The following CUBN variants were observed in gnomAD, a reference collection of about 807,000 sequenced individuals.
CUBN encodes 460 kDa receptor.
In CUBN, 282 loss-of-function variants were observed where a neutral mutation model predicts 405.3. The ratio of observed to expected loss-of-function variants is 0.70; its 90% CI spans 0.63 to 0.77. The LOEUF (loss-of-function observed/expected upper bound fraction) is 0.77. CUBN is among the 30% of genes least tolerant of loss of function. CUBN has a pLI of 0.00. For missense variants in CUBN, 4,514 were observed against 4,475.2 expected, an observed-to-expected ratio of 1.01 and a Z score of -0.25; for synonymous variants, 1,684 against 1,617.0, an observed-to-expected ratio of 1.04 and a Z score of -0.99.
chr10:17,071,794 A>G, intron 18 of CUBN, 33 bp downstream of exon 18: 1 of 1,605,584 alleles, frequency 6.2e-7, no homozygotes, highest in Non-Finnish European at 8.5e-7. Context: ...CAATCAGGCA[A>G]ATTAGACATT....
chr10:17,060,537 T>C (rs778787619), intron 22 of CUBN, among the ~76,000 whole-genome samples: 4 of 152,184 alleles, frequency 2.6e-5, no homozygotes, highest in Non-Finnish European at 5.9e-5. Context: ...GTAAGAAATA[T>C]AACAAACAAG....
intron 28 of CUBN, among the ~76,000 whole-genome samples, chr10:17,014,893 G>A (rs61842851): frequency 0.14 from 21,040 of 152,150 alleles, 1,589 homozygotes; most frequent in African/African-American, 0.2. Flanking sequence ...GAAACTGGGA[G>A]TCAGAGTGCA....
chr10:17,127,033 C>T (rs916191920), intron 3 of CUBN, among the ~76,000 whole-genome samples: 1 of 151,926 alleles, frequency 6.6e-6, no homozygotes, highest in African/African-American at 2.4e-5. Flanking sequence ...AAGTACAACC[C>T]ACTGATAAGT....
rs560274079 is a variant in CUBN, at chr10:17,053,276, G to GA, written c.3140-5674dup. 1.2e-3 allele frequency among the ~76,000 whole-genome samples: 185 copies of GA among 151,776 alleles called. 2 individuals carry two copies. The highest frequency in any genetic ancestry group is 4.1e-3 in the African/African-American group (172 of 41,468). ...GTCTAAATACTTCAACTAAAACACA[G>GA]AAAAAGCAGGACCCAATTATATGTT... On this transcript the variant is annotated intron_variant, in intron 22 of 66. Coordinates refer to ENST00000377833, the MANE Select transcript of CUBN (RefSeq NM_001081.4).
In CUBN at chr10:16,873,579, G is replaced by A. The variant is rs1840418278; in HGVS notation, c.9236+795C>T. Among the ~76,000 whole-genome samples, 6 of 151,900 alleles carry A rather than the reference G, an allele frequency of 3.9e-5. 1 individual carries two copies. Among genetic ancestry groups the A allele is most frequent in the Admixed American group, 3.9e-4 (6 of 15,242 alleles). The stretch of plus-strand genomic sequence containing the variant: ...GCTACCAGAAATACAAAACTGAGCA[G>A]GGCATGGTGGCGCCTGCCTGTAATC... On this transcript the variant is annotated intron_variant, in intron 58 of 66. Transcript: ENST00000377833.
chr10:17,123,473 G>T, intron 5 of CUBN, 115 bp downstream of exon 5: 1 of 829,508 alleles, frequency 1.2e-6, no homozygotes, highest in Non-Finnish European at 2.0e-6. Flanking sequence ...AATTTGATTT[G>T]GGAGGCCACA....
intron 31 of CUBN, among the ~76,000 whole-genome samples, chr10:16,968,683 C>CAG (rs1227860006): frequency 2.0e-5 from 3 of 152,204 alleles, no homozygotes; most frequent in African/African-American, 7.2e-5. Context: ...TAAGAGCTTG[C>CAG]AGAGCTACAT....
Position 17,129,725 on chromosome 10 carries a change from G to A in CUBN, c.41C>T (p.Thr14Ile), listed in dbSNP as rs562457405. ...MSLPFLWSLL[T>I]LLIFAEVNGE... ...ATTTACTTCAGCAAATATTAATAAGGTAAGCAAACTCCAAAGAAAAGGTAA... is the reference window on the plus strand; with the variant it reads ...ATTTACTTCAGCAAATATTAATAAGATAAGCAAACTCCAAAGAAAAGGTAA... Residue 14 changes from threonine (T) to isoleucine (I), a missense_variant, in exon 1 of 67, where the codon ACC (threonine) becomes ATC (isoleucine). This residue lies in a region of CUBN where 1,448 missense variants were observed against 1,388.0 expected (regional missense o/e 1.04). Transcript: ENST00000377833. 4.3e-6 allele frequency: 7 copies of A among 1,614,046 alleles called. No individual in the cohort carries two copies. The South Asian group carries it at 4.4e-5, about 10-fold the overall frequency.
At chr10:16,975,377 C>A (rs1220858999) in intron 31 of CUBN, among the ~76,000 whole-genome samples, 1 of 152,164 alleles carries the variant, frequency 6.6e-6, no homozygotes, top group Non-Finnish European at 1.5e-5. Context: ...GTGTTTATGT[C>A]CCATGTAGGT....
chr10:16,944,462 C>T (rs1157939612), intron 36 of CUBN, among the ~76,000 whole-genome samples: 1 of 152,166 alleles, frequency 6.6e-6, no homozygotes, highest in Non-Finnish European at 1.5e-5. Flanking sequence ...ACCACAATCC[C>T]AGCCCCATGT....
At chr10:16,875,507 T>C (rs1342845894) in intron 57 of CUBN, among the ~76,000 whole-genome samples, 2 of 152,204 alleles carry the variant, frequency 1.3e-5, no homozygotes, top group East Asian at 3.9e-4. Flanking sequence ...TTTATTTCTT[T>C]ACTGTTTTTG....
chr10:17,068,612 C>T lies in CUBN; in HGVS notation c.2784G>A (p.Glu928=), dbSNP rs978971717. The change falls in exon 20 of 67, where the codon GAG becomes GAA. Residue 928 remains glutamate (E), a synonymous_variant. Transcript: ENST00000377833. Reference sequence around the variant, plus strand: ...AAGGGAACAGTCTCTTACCCAAATCCTCAGCACTGAACTTAGCCATGAAAC... The same window carrying T: ...AAGGGAACAGTCTCTTACCCAAATCTTCAGCACTGAACTTAGCCATGAAAC... ...NHGFMAKFSA[E]DLACGEILTE... 6.2e-6 allele frequency: 10 copies of T among 1,612,140 alleles called. No individual in the cohort carries two copies. Among genetic ancestry groups the T allele is most frequent in the Admixed American group, 1.7e-5 (1 of 59,934 alleles).
At chr10:17,058,061 G>A (rs1382592610) in intron 22 of CUBN, among the ~76,000 whole-genome samples, 1 of 152,044 alleles carries the variant, frequency 6.6e-6, no homozygotes, top group Non-Finnish European at 1.5e-5. Context: ...GGCGGAGGTA[G>A]CAGTGAGCTG....
chr10:16,847,371 G>C (rs1178053900), intron 60 of CUBN, among the ~76,000 whole-genome samples: 1 of 152,008 alleles, frequency 6.6e-6, no homozygotes, highest in Admixed American at 6.6e-5. Flanking sequence ...AGAATGGCGT[G>C]AACCCGGGAG....
At chr10:16,871,527 G>A (rs1003524759) in intron 58 of CUBN, among the ~76,000 whole-genome samples, 1 of 151,732 alleles carries the variant, frequency 6.6e-6, no homozygotes, top group African/African-American at 2.4e-5. Context: ...AAGGTTTTCA[G>A]ACTGATGAGG....
At position 17,105,552 on chromosome 10, in the gene CUBN, G is replaced by T. The variant is rs777319392; in HGVS notation, c.1135C>A (p.Leu379Ile). The change falls in exon 11 of 67, where the codon CTC becomes ATC. Residue 379 changes from leucine to isoleucine, a missense_variant. Physicochemically the swap from Leu to Ile is conservative, Grantham distance 5. Coordinates refer to ENST00000377833, the MANE Select transcript of CUBN (RefSeq NM_001081.4). ...TAACCATTTCCAGTATAACCCGGGA[G>T]ACACGTGCAGAGAGGTAAGGAACCT... ...TLGSLPLCTC[L>I]PGYTGNGYGP... is the part of the protein sequence containing the mutation. The T allele has an allele frequency of 4.4e-6, 7 of 1,606,518 alleles. No homozygotes were observed. Among genetic ancestry groups the T allele is most frequent in the African/African-American group, 2.7e-5 (2 of 74,800 alleles).
At chr10:17,023,841 G>GCTTA (rs973356913) in intron 27 of CUBN, among the ~76,000 whole-genome samples, 5 of 152,160 alleles carry the variant, frequency 3.3e-5, no homozygotes, top group Non-Finnish European at 5.9e-5. Context: ...CTAAAATAAT[G>GCTTA]CTTACATTTT....
At position 17,045,127 on chromosome 10, in the gene CUBN, G is replaced by A; in HGVS notation, c.3552C>T (p.Pro1184=). 1 of 1,614,020 alleles carries A rather than the reference G, an allele frequency of 6.2e-7. No homozygotes were observed. Among genetic ancestry groups the A allele is most frequent in the South Asian group, 1.1e-5 (1 of 91,074 alleles). ...GTFISPNYPM[P]YYHSSECYWW... is the part of the protein sequence containing the mutation. ...AGTAGCATTCAGAGCTGTGGTAATA[G>A]GGCATCGGGTAGTTGGGAGATATGA... is the stretch of plus-strand genomic sequence containing the variant. Residue 1184 remains proline, a synonymous_variant, in exon 25 of 67, where the codon CCC becomes CCT. Transcript: ENST00000377833.
chr10:16,948,085 T>C (rs533745959), intron 35 of CUBN, among the ~76,000 whole-genome samples: 2 of 152,324 alleles, frequency 1.3e-5, no homozygotes, highest in Non-Finnish European at 2.9e-5. Context: ...GGCAAGTGCC[T>C]GTAATCCCAG....
Sources: allele counts gnomAD v4.1 joint callset (sites outside exome capture counted in the v4.1 genomes callset), GRCh38; gene constraint gnomAD v4.1.1; regional missense constraint gnomAD v4.1.1; transcripts MANE v1.5; gene names NCBI Gene and HGNC (gene_info 2026-07-23, HGNC 2026-07-21).